RAPGEF4: variants seen among roughly 807,000 people sequenced by gnomAD.
RAPGEF4 encodes the protein RAP guanine-nucleotide-exchange factor (GEF) 4.
In RAPGEF4, 66 loss-of-function variants were observed where a neutral mutation model predicts 147.9. That is an observed-to-expected ratio of 0.45 (90% CI 0.37 to 0.55). The LOEUF (loss-of-function observed/expected upper bound fraction) is 0.55. Ranked by LOEUF, RAPGEF4 falls within the 20% of genes least tolerant of loss-of-function variation. The pLI is 0.00. For synonymous variants in RAPGEF4, 419 were observed against 442.7 expected, an observed-to-expected ratio of 0.95 and a Z score of 0.67; for missense variants, 1,071 against 1,257.3, an observed-to-expected ratio of 0.85 and a Z score of 2.24.
Position 173,042,692 on chromosome 2 carries a change from A to T in RAPGEF4, c.2854-5908A>T, listed in dbSNP as rs916993810. On this transcript the variant is annotated intron_variant, in intron 29 of 30. Transcript: ENST00000397081. The surrounding 1 kb of genome is among the most constrained non-coding windows in gnomAD (Gnocchi z 4.2). ...AAGCATTTTGCATAACTGAGACATT[A>T]TAAAAGATGACTTTCCCTTAGCCTC... Among the ~76,000 whole-genome samples, 1 of 151,988 alleles carries T rather than the reference A, an allele frequency of 6.6e-6. No individual in the cohort carries two copies. Among genetic ancestry groups the T allele is most frequent in the Non-Finnish European group, 1.5e-5 (1 of 68,010 alleles).
chr2:173,006,772 A>G lies in RAPGEF4; in HGVS notation c.1658+5428A>G, dbSNP rs561249060. Among the ~76,000 whole-genome samples, 5 of 152,342 alleles carry G rather than the reference A, an allele frequency of 3.3e-5. No homozygotes were observed. In the East Asian group the frequency reaches 9.6e-4, roughly 29 times the overall value. On this transcript the variant is annotated intron_variant, in intron 17 of 30. Transcript: ENST00000397081. The stretch of plus-strand genomic sequence containing the variant: ...ATAGCAGCAGGTTCATATTCTTTAA[A>G]TGAAGCCAAGTTTTTAGGAACATTT...
At chr2:173,025,083 TTCA>T in intron 23 of RAPGEF4, among the ~76,000 whole-genome samples, 1 of 152,250 alleles carries the variant, frequency 6.6e-6, no homozygotes, top group East Asian at 1.9e-4. Flanking sequence ...CAAAAATTCA[TTCA>T]TGTTCCCCTC....
At chr2:172,964,602 C>T (rs76602771) in intron 8 of RAPGEF4, among the ~76,000 whole-genome samples, 2,909 of 152,138 alleles carry the variant, frequency 0.019, 102 homozygotes, top group African/African-American at 0.067. Flanking sequence ...GCCCGTGCCC[C>T]AGAGGTGGTG....
intron 1 of RAPGEF4, among the ~76,000 whole-genome samples, chr2:172,761,465 T>TG (rs1274113189): frequency 1.3e-5 from 2 of 151,922 alleles, no homozygotes; most frequent in African/African-American, 2.4e-5. Context: ...TTTTCAAATG[T>TG]GGGAAAAAAA....
chr2:172,906,210 A>ACAGATGAC (rs2149984669), intron 4 of RAPGEF4, among the ~76,000 whole-genome samples: 1 of 152,354 alleles, frequency 6.6e-6, no homozygotes, highest in Admixed American at 6.5e-5. Flanking sequence ...CAGAGAAAGT[A>ACAGATGAC]CAGATGACCT....
chr2:172,957,806 A>G (rs1417690715), intron 6 of RAPGEF4, among the ~76,000 whole-genome samples: 5 of 152,236 alleles, frequency 3.3e-5, no homozygotes, highest in Non-Finnish European at 7.3e-5. Context: ...ATTACTAGCT[A>G]AAAGACAACC....
chr2:172,786,489 G>A (rs1685212574), intron 1 of RAPGEF4, among the ~76,000 whole-genome samples: 1 of 152,192 alleles, frequency 6.6e-6, no homozygotes. Flanking sequence ...ATTCATGAAA[G>A]GATGTGTTCG....
chr2:172,837,338 A>G (rs1484189369), intron 4 of RAPGEF4, among the ~76,000 whole-genome samples: 3 of 152,152 alleles, frequency 2.0e-5, no homozygotes, highest in Non-Finnish European at 4.4e-5. Flanking sequence ...GGAGACTTGG[A>G]GAGATTAAGG....
chr2:172,963,561 T>G (rs958258301), intron 8 of RAPGEF4, among the ~76,000 whole-genome samples: 1 of 152,220 alleles, frequency 6.6e-6, no homozygotes, highest in Non-Finnish European at 1.5e-5. Context: ...ATAATCTCTT[T>G]TGTGCTCCAT....
chr2:172,869,150 T>C (rs765504751), intron 4 of RAPGEF4, among the ~76,000 whole-genome samples: 2 of 152,184 alleles, frequency 1.3e-5, no homozygotes, highest in Non-Finnish European at 2.9e-5. Context: ...CATTTCCCTA[T>C]CTGTAAAATA....
chr2:172,741,903 G>A (rs1422580034), intron 1 of RAPGEF4, among the ~76,000 whole-genome samples: 2 of 152,116 alleles, frequency 1.3e-5, no homozygotes, highest in African/African-American at 2.4e-5. Context: ...AAACTGCTGG[G>A]CTGAAGTGAT....
rs376504672 is a variant in RAPGEF4 at position 173,017,513 on chromosome 2, C to T, written c.2008+9C>T. 130 of 1,605,626 alleles carry T rather than the reference C, an allele frequency of 8.1e-5. No individual in the cohort carries two copies. The highest frequency in any genetic ancestry group is 7.3e-4 in the Admixed American group (44 of 59,976). On this transcript the variant is annotated intron_variant, in intron 21 of 30. Coordinates refer to ENST00000397081, the MANE Select transcript of RAPGEF4 (RefSeq NM_007023.4). ...CCGCGGCTCTGATGAAGGTGAGAAC[C>T]CTCTTCCAACTAACTCGTAGTTGTA... is the stretch of plus-strand genomic sequence containing the variant.
chr2:172,952,594 A>G (rs886359761), intron 6 of RAPGEF4, among the ~76,000 whole-genome samples: 4 of 152,238 alleles, frequency 2.6e-5, no homozygotes, highest in African/African-American at 9.6e-5. Flanking sequence ...TATTGCCATT[A>G]TAAGAAAATC....
At chr2:172,736,689 G>C (rs534402367) in intron 1 of RAPGEF4, among the ~76,000 whole-genome samples, 9 of 152,216 alleles carry the variant, frequency 5.9e-5, no homozygotes, top group Non-Finnish European at 1.3e-4. Context: ...AACTCCCGAC[G>C]ACAGCTCTCT....
chr2:173,019,119 C>T (rs1024366207), intron 22 of RAPGEF4, among the ~76,000 whole-genome samples: 1 of 152,104 alleles, frequency 6.6e-6, no homozygotes, highest in African/African-American at 2.4e-5. Context: ...AAAATATGGG[C>T]CCCAAGAGGA....
In RAPGEF4 at chr2:172,913,979, TTTA is replaced by T. The variant is rs1683747461; in HGVS notation, c.445-3820_445-3818del. Among the ~76,000 whole-genome samples, 3 of 152,202 alleles carry T rather than the reference TTTA, an allele frequency of 2.0e-5. No homozygotes were observed. In the South Asian group the frequency reaches 6.2e-4, roughly 32 times the overall value. ...TGTATATTCACACACACAAACATCTTTTATTCCCACAAAATGGTATATACACCA... is the reference window on the plus strand; with the variant it reads ...TGTATATTCACACACACAAACATCTTTTCCCACAAAATGGTATATACACCA... On this transcript the variant is annotated intron_variant, in intron 4 of 30. Transcript: ENST00000397081.
At chr2:172,972,933 T>C (rs979296751) in intron 10 of RAPGEF4, among the ~76,000 whole-genome samples, 1 of 152,184 alleles carries the variant, frequency 6.6e-6, no homozygotes, top group African/African-American at 2.4e-5. Flanking sequence ...TCCCTTTAGT[T>C]ATTTTTTAAT....
chr2:172,751,041 C>T (rs10190070), intron 1 of RAPGEF4, among the ~76,000 whole-genome samples: 16,605 of 152,104 alleles, frequency 0.11, 920 homozygotes, highest in Middle Eastern at 0.15. Context: ...TTTTCTTTAT[C>T]GACTCTTTAA....
chr2:172,777,859 G>A (rs191773951), intron 1 of RAPGEF4, among the ~76,000 whole-genome samples: 1 of 152,230 alleles, frequency 6.6e-6, no homozygotes, highest in African/African-American at 2.4e-5. Flanking sequence ...GTGTCTGAAA[G>A]CAGTCACTTC....
Sources: allele counts gnomAD v4.1 joint callset (sites outside exome capture counted in the v4.1 genomes callset), GRCh38; gene constraint gnomAD v4.1.1; non-coding constraint Gnocchi (gnomAD v3.1); transcripts MANE v1.5; gene names NCBI Gene and HGNC (gene_info 2026-07-23, HGNC 2026-07-21).